The following CMC1 variants were observed in gnomAD, a reference collection of about 807,000 sequenced individuals.
CMC1 encodes C-X9-C motif containing 1.
CMC1 carries 14 observed loss-of-function variants against 14.1 expected under a neutral mutation model. The ratio of observed to expected loss-of-function variants is 0.99; its 90% confidence interval spans 0.66 to 1.55. The LOEUF is 1.55. CMC1 is among the 40% of genes most tolerant of loss of function. CMC1 has a pLI of 0.00. For synonymous variants in CMC1, 50 were observed against 38.4 expected (o/e 1.30, Z -1.12); for missense variants, 127 against 123.8 (o/e 1.03, Z -0.12).
intron 2 of CMC1, among the ~76,000 whole-genome samples, chr3:28,304,218 C>T (rs563629952): frequency 6.6e-6 from 1 of 152,062 alleles, no homozygotes; most frequent in East Asian, 1.9e-4. Flanking sequence ...CTTATTTAAC[C>T]TAATATATCA....
At chr3:28,274,206 G>A (rs561714271) in intron 2 of CMC1, among the ~76,000 whole-genome samples, 12 of 83,080 alleles carry the variant, frequency 1.4e-4, no homozygotes, top group Middle Eastern at 6.3e-3. Context: ...GTACTAAAGT[G>A]TTTTTGTTTT....
intron 1 of CMC1, among the ~76,000 whole-genome samples, chr3:28,246,818 T>A (rs797010824): frequency 1.3e-5 from 2 of 149,140 alleles, no homozygotes; most frequent in African/African-American, 5.0e-5. Flanking sequence ...TTTTTTTTTT[T>A]ACCTGATTCA....
chr3:28,289,613 A>C (rs2125544021), intron 2 of CMC1, among the ~76,000 whole-genome samples: 1 of 152,184 alleles, frequency 6.6e-6, no homozygotes, highest in East Asian at 1.9e-4. Context: ...TGATCTCAGA[A>C]ACTTAACGTT....
rs544900814 is a variant in CMC1, at chr3:28,261,526, G to A, written c.20-1765G>A. ...TTTGGAAGTAAATCCTCCAGCCCCA[G>A]CTTTTGTAGCTGGTGGGACTCTAGA... On this transcript the variant is annotated intron_variant, in intron 1 of 3. Transcript: ENST00000466830. Among the ~76,000 whole-genome samples, 21 of 152,270 alleles carry A rather than the reference G, an allele frequency of 1.4e-4. 1 individual carries two copies. The South Asian group carries it at 3.9e-3, about 29-fold the overall frequency.
intron 1 of CMC1, among the ~76,000 whole-genome samples, chr3:28,245,942 G>A (rs1167674504): frequency 1.3e-5 from 2 of 152,066 alleles, no homozygotes; most frequent in African/African-American, 4.8e-5. Context: ...GAGTTGATTA[G>A]AAAAATTTTT....
intron 1 of CMC1, among the ~76,000 whole-genome samples, chr3:28,261,963 G>GT (rs2125458436): frequency 6.6e-6 from 1 of 152,302 alleles, no homozygotes; most frequent in African/African-American, 2.4e-5. Context: ...AGGATCAACT[G>GT]TAATAAGGAG....
At chr3:28,298,280 T>G (rs1397116903) in intron 2 of CMC1, 1 of 151,752 alleles carries the variant, frequency 6.6e-6, no homozygotes, top group East Asian at 1.9e-4. Flanking sequence ...TTACTTTGCT[T>G]AATTCTTGCG....
chr3:28,275,563 A>G (rs900859149), intron 2 of CMC1, among the ~76,000 whole-genome samples: 2 of 149,430 alleles, frequency 1.3e-5, no homozygotes, highest in African/African-American at 4.9e-5. Context: ...GTGTTTGGCA[A>G]CCCCCCGATT....
intron 1 of CMC1, among the ~76,000 whole-genome samples, chr3:28,259,014 T>C (rs1383421269): frequency 6.6e-6 from 1 of 152,184 alleles, no homozygotes; most frequent in Non-Finnish European, 1.5e-5. Flanking sequence ...TGTAGTTTTG[T>C]AGTATGACTT....
intron 2 of CMC1, among the ~76,000 whole-genome samples, chr3:28,273,446 T>G (rs1383226416): frequency 6.6e-6 from 1 of 152,210 alleles, no homozygotes. Context: ...CTAATTTGAT[T>G]GTGCTGTGGT....
chr3:28,283,130 TATG>T (rs1321900483), intron 2 of CMC1, among the ~76,000 whole-genome samples: 2 of 152,218 alleles, frequency 1.3e-5, no homozygotes, highest in Non-Finnish European at 2.9e-5. Context: ...GCAGAATCTT[TATG>T]ATATTTTTCA....
chr3:28,275,794 T>A (rs761240957), intron 2 of CMC1, among the ~76,000 whole-genome samples: 1 of 152,112 alleles, frequency 6.6e-6, no homozygotes, highest in Non-Finnish European at 1.5e-5. Context: ...CAGAGTTCTG[T>A]CCATAAACCC....
At position 28,321,709 on chromosome 3, in the gene CMC1, T is replaced by C. The variant is rs1703193493; in HGVS notation, c.*2080T>C. The C allele has an allele frequency of 6.6e-6, 1 of 151,482 alleles. No homozygotes were observed. The highest frequency in any genetic ancestry group is 1.9e-4 in the East Asian group (1 of 5,142). 9.4% of individuals were successfully genotyped at this position (151,482 alleles called of 1,614,324 possible). A position where few individuals can be genotyped will look rare whatever the true frequency, so the allele number is the denominator to read the frequency against. ...CATGATTCAGCTCTTCAAGTCTGAA[T>C]TTTCCCATTTATTTTGGTTTTCTAA... On this transcript the variant is annotated 3_prime_UTR_variant, in exon 4 of 4. Transcript: ENST00000466830.
intron 2 of CMC1, among the ~76,000 whole-genome samples, chr3:28,314,134 C>T (rs954585000): frequency 6.6e-6 from 1 of 152,144 alleles, no homozygotes; most frequent in Non-Finnish European, 1.5e-5. Flanking sequence ...ACTTTATATA[C>T]ATATTGTTTG....
chr3:28,287,958 A>G (rs1490442759), intron 2 of CMC1, among the ~76,000 whole-genome samples: 1 of 151,922 alleles, frequency 6.6e-6, no homozygotes, highest in Non-Finnish European at 1.5e-5. Context: ...TTAATTTTAA[A>G]TTAATTAAAA....
At chr3:28,247,438 A>ACCAT (rs1180266365) in intron 1 of CMC1, among the ~76,000 whole-genome samples, 4 of 152,142 alleles carry the variant, frequency 2.6e-5, no homozygotes, top group Admixed American at 6.5e-5. Flanking sequence ...TGGTACATAC[A>ACCAT]GTTTATTGTG....
intron 2 of CMC1, among the ~76,000 whole-genome samples, chr3:28,307,678 T>C (rs1702397801): frequency 6.6e-6 from 1 of 152,178 alleles, no homozygotes; most frequent in South Asian, 2.1e-4. Flanking sequence ...TTCTAATTCA[T>C]CTAATAATTG....
intron 2 of CMC1, chr3:28,298,214 T>C (rs1189881022): frequency 6.6e-6 from 1 of 151,380 alleles, no homozygotes; most frequent in Non-Finnish European, 1.5e-5. Context: ...AATTATAATC[T>C]GTAGGTAACT....
At chr3:28,256,489 A>G (rs1172915854) in intron 1 of CMC1, among the ~76,000 whole-genome samples, 1 of 152,206 alleles carries the variant, frequency 6.6e-6, no homozygotes, top group Admixed American at 6.5e-5. Flanking sequence ...CATCACCTGA[A>G]TTAATGTTTG....
Sources: allele counts gnomAD v4.1 joint callset (sites outside exome capture counted in the v4.1 genomes callset), GRCh38; gene constraint gnomAD v4.1.1; transcripts MANE v1.5; gene names NCBI Gene and HGNC (gene_info 2026-07-23, HGNC 2026-07-21).